TMC2: variants seen among roughly 807,000 people sequenced by gnomAD.
TMC2 encodes the protein transmembrane channel like 2.
Under a neutral mutation model 105.9 loss-of-function variants are expected in TMC2, and 102 were observed. The observed-to-expected ratio is 0.96, with a 90% CI of 0.82 to 1.14. The LOEUF is 1.14. TMC2 is among the 50% of genes most tolerant of loss of function. The pLI is 0.00. For synonymous variants in TMC2, 402 were observed against 422.8 expected (o/e 0.95, Z 0.60); for missense variants, 1,093 against 1,134.3 (o/e 0.96, Z 0.52).
intron 2 of TMC2, among the ~76,000 whole-genome samples, chr20:2,541,379 G>A (rs1162522400): frequency 5.3e-5 from 8 of 152,148 alleles, no homozygotes; most frequent in African/African-American, 1.7e-4. Flanking sequence ...GGTGGCTTAC[G>A]CCTGTAATCC....
At chr20:2,539,958 T>TAGCA (rs57749369) in intron 2 of TMC2, among the ~76,000 whole-genome samples, 77,106 of 149,832 alleles carry the variant, frequency 0.51, 19,934 homozygotes, top group South Asian at 0.58. Flanking sequence ...CTCCCGCAAA[T>TAGCA]AGCACACAAG....
chr20:2,567,719 A>G (rs1034469078), intron 4 of TMC2, among the ~76,000 whole-genome samples: 1 of 152,210 alleles, frequency 6.6e-6, no homozygotes, highest in Non-Finnish European at 1.5e-5. Context: ...AGCAACCATC[A>G]TAAAAATGCT....
chr20:2,552,633 A>G (rs1289604426), intron 2 of TMC2, among the ~76,000 whole-genome samples: 1 of 152,178 alleles, frequency 6.6e-6, no homozygotes, highest in Admixed American at 6.5e-5. Context: ...TTCCCACTTC[A>G]GTCTCTGACG....
At chr20:2,539,990 C>CTTTTTTTTTTTTTT (rs57860432) in intron 2 of TMC2, among the ~76,000 whole-genome samples, 3 of 115,118 alleles carry the variant, frequency 2.6e-5, no homozygotes, top group East Asian at 2.5e-4. Flanking sequence ...CTTTTCTTTT[C>CTTTTTTTTTTTTTT]TTTTTTTTTT....
chr20:2,625,308 A>G (rs748168571), intron 17 of TMC2, among the ~76,000 whole-genome samples: 4 of 152,192 alleles, frequency 2.6e-5, no homozygotes, highest in Non-Finnish European at 5.9e-5. Flanking sequence ...ACATTTTGCA[A>G]TATTTACTTC....
Position 2,558,754 on chromosome 20 carries a change from G to A in TMC2, c.381G>A (p.Ser127=), listed in dbSNP as rs144059878. 273 of 1,553,924 alleles carry A rather than the reference G, an allele frequency of 1.8e-4. No homozygotes were observed. The highest frequency in any genetic ancestry group is 1.9e-4 in the Non-Finnish European group (215 of 1,152,232). ...AGATTCCGAGGAGGGAGGAGAAGTC[G>A]AAGCGGCAGAAGAAACCCAGGTGTG... ...EKEIPRREEK[S]KRQKKPRSSS... Residue 127 remains serine, a synonymous_variant, in exon 3 of 20, where the codon TCG becomes TCA. Coordinates refer to ENST00000358864, the MANE Select transcript of TMC2 (RefSeq NM_080751.3). The surrounding 1 kb of genome is among the most constrained non-coding windows in gnomAD (Gnocchi z 4.6).
intron 4 of TMC2, among the ~76,000 whole-genome samples, chr20:2,563,272 C>T (rs146409357): frequency 6.6e-6 from 1 of 152,316 alleles, no homozygotes; most frequent in Non-Finnish European, 1.5e-5. Context: ...CCGACCCCGA[C>T]AAGGAAAACA....
chr20:2,548,515 G>A (rs1239380474), intron 2 of TMC2, among the ~76,000 whole-genome samples: 1 of 152,010 alleles, frequency 6.6e-6, no homozygotes, highest in African/African-American at 2.4e-5. Context: ...GAGCATGCCT[G>A]TAATCCCAGC....
At chr20:2,603,413 AT>A (rs1412555796) in intron 11 of TMC2, among the ~76,000 whole-genome samples, 2 of 152,222 alleles carry the variant, frequency 1.3e-5, no homozygotes, top group East Asian at 3.8e-4. Context: ...ACAAAATCAG[AT>A]TTAAGTCTAA....
At chr20:2,577,804 A>C (rs2086157841) in intron 5 of TMC2, among the ~76,000 whole-genome samples, 1 of 152,064 alleles carries the variant, frequency 6.6e-6, no homozygotes, top group Admixed American at 6.6e-5. Context: ...CTGAGGCAGG[A>C]AGATCACTTG....
intron 11 of TMC2, among the ~76,000 whole-genome samples, chr20:2,603,293 T>C (rs2086365108): frequency 6.6e-6 from 1 of 151,318 alleles, no homozygotes; most frequent in Non-Finnish European, 1.5e-5. Flanking sequence ...AGAGTTTATC[T>C]TGCATTCAAA....
In TMC2 at chr20:2,625,440, C is replaced by T. The variant is rs116373512; in HGVS notation, c.2306+1044C>T. 5.4e-3 allele frequency among the ~76,000 whole-genome samples: 817 copies of T among 152,252 alleles called. 9 individuals carry two copies. The highest frequency in any genetic ancestry group is 0.019 in the African/African-American group (777 of 41,526). Reference sequence around the variant, plus strand: ...TATACAGACTAGATTTAATTATTTCCATGCATATTTTGTACTTTTTAATCA... The same window carrying T: ...TATACAGACTAGATTTAATTATTTCTATGCATATTTTGTACTTTTTAATCA... On this transcript the variant is annotated intron_variant, in intron 17 of 19. Coordinates refer to ENST00000358864, the MANE Select transcript of TMC2 (RefSeq NM_080751.3).
intron 7 of TMC2, among the ~76,000 whole-genome samples, chr20:2,582,693 C>A (rs1485025049): frequency 2.6e-5 from 4 of 152,140 alleles, no homozygotes. Flanking sequence ...CCAGGCTGGT[C>A]TCAAACTCCT....
chr20:2,591,802 T>G (rs754591986), intron 7 of TMC2, among the ~76,000 whole-genome samples: 1 of 152,184 alleles, frequency 6.6e-6, no homozygotes, highest in African/African-American at 2.4e-5. Flanking sequence ...CTTTTTCACA[T>G]TTTTTACAAT....
chr20:2,619,948 A>C (rs1285681526), intron 16 of TMC2, among the ~76,000 whole-genome samples: 1 of 152,154 alleles, frequency 6.6e-6, no homozygotes, highest in East Asian at 1.9e-4. Flanking sequence ...GCATGGTGGT[A>C]CGTGCCTGTA....
At chr20:2,538,573 G>A (rs2085867471) in intron 2 of TMC2, among the ~76,000 whole-genome samples, 1 of 152,110 alleles carries the variant, frequency 6.6e-6, no homozygotes, top group Non-Finnish European at 1.5e-5. Flanking sequence ...ACCCAGCCTG[G>A]CCTCCCTCTG....
intron 17 of TMC2, 123 bp downstream of exon 17, chr20:2,624,519 C>T: frequency 8.6e-7 from 1 of 1,167,390 alleles, no homozygotes; most frequent in Non-Finnish European, 1.2e-6. Context: ...GAATCCATGA[C>T]AAGGATTCAA....
rs888742500 is a variant in TMC2, at chr20:2,641,482, G to A, written c.*131G>A. The A allele has an allele frequency of 1.0e-4, 66 of 631,248 alleles. 2 individuals are homozygous for A. In the South Asian group the frequency reaches 1.1e-3, roughly 11 times the overall value. 39.1% of individuals were successfully genotyped at this position (631,248 alleles called of 1,614,324 possible). On this transcript the variant is annotated 3_prime_UTR_variant, in exon 20 of 20. Transcript: ENST00000358864. ...CTCTGTCTCCTCTCTTGGAATGCATGAACTTTGATTCCTTCAGGCCCTTGT... is the reference window on the plus strand; with the variant it reads ...CTCTGTCTCCTCTCTTGGAATGCATAAACTTTGATTCCTTCAGGCCCTTGT...
chr20:2,641,170 T>C lies in TMC2; in HGVS notation c.2540T>C (p.Met847Thr). The C allele has an allele frequency of 2.5e-6, 4 of 1,614,060 alleles. No homozygotes were observed. The highest frequency in any genetic ancestry group is 3.4e-6 in the Non-Finnish European group (4 of 1,179,994). The stretch of plus-strand genomic sequence containing the variant: ...CCCTCTGCCAGCCAAAGCCAGGCCA[T>C]GGACAAGAAGGCGCAGGGCCCTGGG... ...TPPSASQSQAMDKKAQGPGTS... is the reference protein window; with the variant it reads ...TPPSASQSQATDKKAQGPGTS... Residue 847 changes from methionine (M) to threonine (T), a missense_variant, in exon 20 of 20, where the codon ATG becomes ACG. By Grantham distance (81) the Met-to-Thr change is moderately conservative (BLOSUM62 -1). Coordinates refer to ENST00000358864, the MANE Select transcript of TMC2 (RefSeq NM_080751.3).
Sources: allele counts gnomAD v4.1 joint callset (sites outside exome capture counted in the v4.1 genomes callset), GRCh38; gene constraint gnomAD v4.1.1; non-coding constraint Gnocchi (gnomAD v3.1); transcripts MANE v1.5; gene names NCBI Gene and HGNC (gene_info 2026-07-23, HGNC 2026-07-21).